ADAMTSL3: variants seen among roughly 807,000 people sequenced by gnomAD.
The protein encoded by ADAMTSL3 is ADAMTS-like protein 3.
A neutral mutation model predicts 201.7 loss-of-function variants in ADAMTSL3; 128 were observed. The observed-to-expected ratio is 0.63, with a 90% confidence interval of 0.55 to 0.73. The LOEUF is 0.73. Among genes scored for constraint, ADAMTSL3 ranks in the 30% least tolerant of loss-of-function variants. The probability of loss-of-function intolerance (pLI) is 0.00; values close to 1 mark genes in which losing one functional copy is unlikely to be tolerated. For synonymous variants in ADAMTSL3, 738 were observed against 748.4 expected, an observed-to-expected ratio of 0.99 and a Z score of 0.23; for missense variants, 1,990 against 2,119.6, an observed-to-expected ratio of 0.94 and a Z score of 1.20.
intron 3 of ADAMTSL3, among the ~76,000 whole-genome samples, chr15:83,746,470 C>G (rs914895992): frequency 6.6e-6 from 1 of 152,044 alleles, no homozygotes; most frequent in African/African-American, 2.4e-5. Context: ...CACAAATCCT[C>G]TGTTTGCTTT....
At chr15:83,768,780 G>A (rs923972357) in intron 3 of ADAMTSL3, among the ~76,000 whole-genome samples, 8 of 152,198 alleles carry the variant, frequency 5.3e-5, no homozygotes, top group Non-Finnish European at 1.0e-4. Context: ...CTGAATGTCT[G>A]TGTTATCATT....
At chr15:83,714,452 G>A (rs1814244552) in intron 3 of ADAMTSL3, among the ~76,000 whole-genome samples, 1 of 152,154 alleles carries the variant, frequency 6.6e-6, no homozygotes, top group African/African-American at 2.4e-5. Context: ...TGCAGCCTTT[G>A]CATAAATTGT....
At position 84,036,874 on chromosome 15, in the gene ADAMTSL3, C is replaced by T. The variant is rs763171317; in HGVS notation, c.4856C>T (p.Ser1619Phe). The T allele has an allele frequency of 2.5e-6, 4 of 1,614,134 alleles. No homozygotes were observed. In the South Asian group the frequency reaches 4.4e-5, roughly 18 times the overall value. The change falls in exon 29 of 30, where the codon TCT becomes TTT. Residue 1619 changes from serine to phenylalanine, a missense_variant. Ser to Phe is a radical substitution (Grantham distance 155). Coordinates refer to ENST00000286744, the MANE Select transcript of ADAMTSL3 (RefSeq NM_207517.3). ...GCAGCCTGTGGCAGGGGTTTCCAGT[C>T]TCGGAAAGTCGACTGTATCCACACA... ...CTAACGRGFQ[S>F]RKVDCIHTRS...
intron 3 of ADAMTSL3, among the ~76,000 whole-genome samples, chr15:83,739,350 C>T (rs2062417922): frequency 6.7e-6 from 1 of 149,976 alleles, no homozygotes; most frequent in Non-Finnish European, 1.5e-5. Context: ...GGTTGAGCAC[C>T]CTGAAACTTT....
chr15:83,726,104 T>C lies in ADAMTSL3; in HGVS notation c.189+21596T>C, dbSNP rs142159658. ...CGTTTCGTCGTTTTCATTGTAGAAATCTTTCATTTCTTTGGTTAAGTTTAT... is the reference window on the plus strand; with the variant it reads ...CGTTTCGTCGTTTTCATTGTAGAAACCTTTCATTTCTTTGGTTAAGTTTAT... On this transcript the variant is annotated intron_variant, in intron 3 of 29. Coordinates refer to ENST00000286744, the MANE Select transcript of ADAMTSL3 (RefSeq NM_207517.3). Among the ~76,000 whole-genome samples, 85 of 152,236 alleles carry C rather than the reference T, an allele frequency of 5.6e-4. No homozygotes were observed. In the East Asian group the frequency reaches 0.011, roughly 20 times the overall value.
intron 23 of ADAMTSL3, among the ~76,000 whole-genome samples, chr15:83,997,270 G>A (rs1295421444): frequency 1.3e-5 from 2 of 152,180 alleles, no homozygotes; most frequent in African/African-American, 4.8e-5. Context: ...TTTAGCTCTA[G>A]CTGTAATCCT....
intron 5 of ADAMTSL3, 27 bp downstream of exon 5, chr15:83,804,722 T>C: frequency 6.5e-7 from 1 of 1,529,012 alleles, no homozygotes; most frequent in Non-Finnish European, 8.9e-7. Context: ...AATTATTTTA[T>C]CCAATACAAT....
At chr15:84,036,714 A>T in intron 28 of ADAMTSL3, 59 bp from the exon 29 acceptor site, 1 of 1,411,166 alleles carries the variant, frequency 7.1e-7, no homozygotes, top group South Asian at 1.3e-5. Flanking sequence ...CCCAGCAAAA[A>T]GTTACACCCT....
chr15:83,848,140 A>G (rs1261486616), intron 7 of ADAMTSL3, among the ~76,000 whole-genome samples: 1 of 151,066 alleles, frequency 6.6e-6, no homozygotes, highest in Non-Finnish European at 1.5e-5. Context: ...TTTTGTTCAG[A>G]AAAAAAAACC....
intron 2 of ADAMTSL3, among the ~76,000 whole-genome samples, chr15:83,696,451 G>T (rs76127144): frequency 0.015 from 2,285 of 152,334 alleles, 47 homozygotes; most frequent in African/African-American, 0.052. Flanking sequence ...ATGGTGTCTG[G>T]CTAAGCGCTG....
At chr15:83,863,428 G>A (rs1404138439) in intron 8 of ADAMTSL3, among the ~76,000 whole-genome samples, 1 of 152,218 alleles carries the variant, frequency 6.6e-6, no homozygotes, top group Admixed American at 6.5e-5. Context: ...TCAGACCACA[G>A]TGCAATCAAA....
chr15:83,910,801 A>ATTTT (rs775280665), intron 15 of ADAMTSL3, among the ~76,000 whole-genome samples: 2 of 138,100 alleles, frequency 1.4e-5, no homozygotes, highest in East Asian at 2.1e-4. Context: ...TGACTGGCTA[A>ATTTT]TTTTTTTTTT....
chr15:84,028,292 G>A (rs12592470), intron 27 of ADAMTSL3, among the ~76,000 whole-genome samples: 65,442 of 151,900 alleles, frequency 0.43, 14,208 homozygotes, highest in East Asian at 0.57. Context: ...AAGACAAATC[G>A]GCTAGCTAAT....
At chr15:83,912,324 A>C (rs532978363) in intron 15 of ADAMTSL3, among the ~76,000 whole-genome samples, 1 of 152,208 alleles carries the variant, frequency 6.6e-6, no homozygotes, top group African/African-American at 2.4e-5. Flanking sequence ...TGCACGGTAA[A>C]ATTTAATTTT....
intron 15 of ADAMTSL3, among the ~76,000 whole-genome samples, chr15:83,901,413 A>G (rs1050318514): frequency 6.6e-6 from 1 of 152,136 alleles, no homozygotes; most frequent in Non-Finnish European, 1.5e-5. Flanking sequence ...TCACAGAAAG[A>G]CAAGGAAAAA....
At chr15:83,669,809 G>A (rs1011656801) in intron 2 of ADAMTSL3, among the ~76,000 whole-genome samples, 6 of 151,910 alleles carry the variant, frequency 3.9e-5, no homozygotes, top group Non-Finnish European at 8.8e-5. Flanking sequence ...CTACTGTTGT[G>A]GCAGGCTTTT....
At chr15:83,751,623 G>T (rs891400075) in intron 3 of ADAMTSL3, among the ~76,000 whole-genome samples, 9 of 152,158 alleles carry the variant, frequency 5.9e-5, no homozygotes, top group East Asian at 1.9e-4. Context: ...GATGTATATG[G>T]TATGGAGATG....
intron 20 of ADAMTSL3, among the ~76,000 whole-genome samples, chr15:83,977,271 G>C (rs530802576): frequency 6.6e-6 from 1 of 150,846 alleles, no homozygotes; most frequent in Admixed American, 6.5e-5. Context: ...CCCGACAACT[G>C]GTTTGTGGAA....
At chr15:83,953,934 G>A (rs189195115) in intron 19 of ADAMTSL3, among the ~76,000 whole-genome samples, 3 of 152,184 alleles carry the variant, frequency 2.0e-5, no homozygotes, top group East Asian at 3.9e-4. Flanking sequence ...TGTGTTATTT[G>A]TTTCTTTTCT....
Sources: gnomAD v4.1 joint callset for allele counts (sites outside exome capture counted in the v4.1 genomes callset) on GRCh38, gnomAD v4.1.1 for gene constraint, MANE v1.5 for transcripts, NCBI Gene and HGNC (gene_info 2026-07-23, HGNC 2026-07-21) for gene names.